The following TOR1AIP2 variants were observed in gnomAD, a reference collection of about 807,000 sequenced individuals.
TOR1AIP2 encodes torsin 1A interacting protein 2.
TOR1AIP2 carries 20 observed loss-of-function variants against 32.6 expected under a neutral mutation model. The ratio of observed to expected loss-of-function variants is 0.61; its 90% CI spans 0.43 to 0.89. The LOEUF (loss-of-function observed/expected upper bound fraction) is 0.89, where lower values mean the gene tolerates loss of function less well. Among genes scored for constraint, TOR1AIP2 ranks in the 40% least tolerant of loss-of-function variants. The probability of loss-of-function intolerance (pLI) is 0.00; values close to 1 mark genes in which losing one functional copy is unlikely to be tolerated. For missense variants in TOR1AIP2, 456 were observed against 553.8 expected, an observed-to-expected ratio of 0.82 and a Z score of 1.77; for synonymous variants, 214 against 210.8, an observed-to-expected ratio of 1.02 and a Z score of -0.13.
chr1:179,840,423 AG>A lies in TOR1AIP2; in HGVS notation c.*5647del, dbSNP rs1046290290. On this transcript the variant is annotated 3_prime_UTR_variant, in exon 7 of 7. Transcript: ENST00000609928. ...ACTGCGCTTAGCCAAAGGCAAATTTAGTTTATAAGCCTCAGTGAGGAAAAGC... is the reference window on the plus strand; with the variant it reads ...ACTGCGCTTAGCCAAAGGCAAATTTATTTATAAGCCTCAGTGAGGAAAAGC... The A allele has an allele frequency of 6.6e-6, 1 of 152,222 alleles. No homozygotes were observed. The highest frequency in any genetic ancestry group is 1.5e-5 in the Non-Finnish European group (1 of 68,044). The allele number at this position is 152,222 out of a possible 1,614,324, so 9.4% of individuals were successfully genotyped here. A position where few individuals can be genotyped will look rare whatever the true frequency, so the allele number is the denominator to read the frequency against.
intron 2 of TOR1AIP2, among the ~76,000 whole-genome samples, chr1:179,869,578 A>T (rs1438765360): frequency 6.6e-6 from 1 of 152,268 alleles, no homozygotes; most frequent in African/African-American, 2.4e-5. Flanking sequence ...TCAGAGGCAA[A>T]GCAGGTAACT....
At chr1:179,853,728 T>C (rs1026006591) in intron 3 of TOR1AIP2, among the ~76,000 whole-genome samples, 1 of 152,174 alleles carries the variant, frequency 6.6e-6, no homozygotes, top group Non-Finnish European at 1.5e-5. Context: ...TGATCCCCAA[T>C]GCCTACACGG....
At chr1:179,863,604 G>C in intron 3 of TOR1AIP2, 1 of 983,364 alleles carries the variant, frequency 1.0e-6, no homozygotes, top group Non-Finnish European at 1.2e-6. Flanking sequence ...CGAGGTGGGA[G>C]GATGGCTTGA....
Position 179,846,838 on chromosome 1 carries a change from G to A in TOR1AIP2, c.656-10C>T. 1 of 1,568,030 alleles carries A rather than the reference G, an allele frequency of 6.4e-7. No individual in the cohort carries two copies. Among genetic ancestry groups the A allele is most frequent in the South Asian group, 1.2e-5 (1 of 85,144 alleles). Reference sequence around the variant, plus strand: ...ACAAGAATCACAGGGCCTGTCAAAAGAATGAAAAAGGAATAGAAAATTACA... The same window carrying A: ...ACAAGAATCACAGGGCCTGTCAAAAAAATGAAAAAGGAATAGAAAATTACA... On this transcript the variant is annotated splice_polypyrimidine_tract_variant and intron_variant, in intron 6 of 6. Coordinates refer to ENST00000609928, the MANE Select transcript of TOR1AIP2 (RefSeq NM_001199260.2).
rs1696673797 is a variant in TOR1AIP2 at position 179,864,202 on chromosome 1, AGC to A, written c.-147+1232_-147+1233del. 5.1e-6 allele frequency: 5 copies of A among 985,502 alleles called. No individual in the cohort carries two copies. In the South Asian group the frequency reaches 2.3e-4, roughly 46 times the overall value. The allele number at this position is 985,502 out of a possible 1,614,324, so 61.0% of individuals were successfully genotyped here. On this transcript the variant is annotated intron_variant, in intron 3 of 6. Coordinates refer to ENST00000609928, the MANE Select transcript of TOR1AIP2 (RefSeq NM_001199260.2). ...AGTGACCAGTTATCAATAATCTCACAGCCACACTGAGGATGGGCCAAACAGGG... is the reference window on the plus strand; with the variant it reads ...AGTGACCAGTTATCAATAATCTCACACACACTGAGGATGGGCCAAACAGGG...
At position 179,845,472 on chromosome 1, in the gene TOR1AIP2, G is replaced by A. The variant is rs1055509327; in HGVS notation, c.*599C>T. The A allele has an allele frequency of 6.6e-6, 1 of 152,152 alleles. No individual in the cohort carries two copies. Among genetic ancestry groups the A allele is most frequent in the Non-Finnish European group, 1.5e-5 (1 of 68,004 alleles). The allele number at this position is 152,152 out of a possible 1,614,324, so 9.4% of individuals were successfully genotyped here. A position where few individuals can be genotyped will look rare whatever the true frequency, so the allele number is the denominator to read the frequency against. On this transcript the variant is annotated 3_prime_UTR_variant, in exon 7 of 7. Coordinates refer to ENST00000609928, the MANE Select transcript of TOR1AIP2 (RefSeq NM_001199260.2). ...TATACCTCAGCTGAATGAAATAAAA[G>A]CACAGTGCCTTACATGTAGTATTTA...
intron 2 of TOR1AIP2, among the ~76,000 whole-genome samples, chr1:179,871,178 T>C (rs1028349932): frequency 1.2e-4 from 19 of 152,368 alleles, no homozygotes; most frequent in African/African-American, 4.1e-4. Flanking sequence ...GCTGGGATGC[T>C]TGTATTTTCA....
rs1195784077 is a variant in TOR1AIP2 at position 179,846,769 on chromosome 1, AG to A, written c.714del (p.Tyr239IlefsTer70). On this transcript the variant is annotated frameshift_variant, in exon 7 of 7. Coordinates refer to ENST00000609928, the MANE Select transcript of TOR1AIP2 (RefSeq NM_001199260.2). LOFTEE classifies it high-confidence loss of function. ...GGCACTTGCTGGGCTGGAGAGGAATAGTAGCTATTCACAGAACTTGCCACAA... is the reference window on the plus strand; with the variant it reads ...GGCACTTGCTGGGCTGGAGAGGAATATAGCTATTCACAGAACTTGCCACAA... Reference protein sequence around the residue: ...VAVVASSVNSYYSSPAQQVPK... With the variant: ...VAVVASSVNSXYSSPAQQVPK... 1 of 1,613,568 alleles carries A rather than the reference AG, an allele frequency of 6.2e-7. No homozygotes were observed. The highest frequency in any genetic ancestry group is 8.5e-7 in the Non-Finnish European group (1 of 1,179,878).
intron 5 of TOR1AIP2, among the ~76,000 whole-genome samples, chr1:179,849,893 C>T (rs1696051007): frequency 6.6e-6 from 1 of 152,220 alleles, no homozygotes; most frequent in Non-Finnish European, 1.5e-5. Context: ...CTTGCCTTCA[C>T]TGAAGTTACA....
Position 179,863,790 on chromosome 1 carries a change from T to G in TOR1AIP2, c.-147+1646A>C, listed in dbSNP as rs559626542. 136 of 985,122 alleles carry G rather than the reference T, an allele frequency of 1.4e-4. 1 individual carries two copies. The highest frequency in any genetic ancestry group is 8.9e-4 in the African/African-American group (51 of 57,234). 61.0% of individuals were successfully genotyped at this position (985,122 alleles called of 1,614,324 possible). On this transcript the variant is annotated intron_variant, in intron 3 of 6. Coordinates refer to ENST00000609928, the MANE Select transcript of TOR1AIP2 (RefSeq NM_001199260.2). Reference sequence around the variant, plus strand: ...GCACTAGATACCTAGATACCTGGCATGTTAAGTGTAATTTAAAAATTGTTC... The same window carrying G: ...GCACTAGATACCTAGATACCTGGCAGGTTAAGTGTAATTTAAAAATTGTTC...
intron 3 of TOR1AIP2, chr1:179,864,182 C>T (rs1696672806): frequency 1.0e-6 from 1 of 985,282 alleles, no homozygotes; most frequent in East Asian, 1.1e-4. Context: ...CTGACAGTGA[C>T]CAGTTATCAA....
At chr1:179,848,033 A>AG (rs1248380626) in intron 5 of TOR1AIP2, among the ~76,000 whole-genome samples, 14 of 132,926 alleles carry the variant, frequency 1.1e-4, no homozygotes, top group African/African-American at 1.5e-4. Context: ...ACTCCATCTC[A>AG]GAAAAAAAAA....
At chr1:179,866,448 T>G (rs1696777280) in intron 2 of TOR1AIP2, among the ~76,000 whole-genome samples, 1 of 152,210 alleles carries the variant, frequency 6.6e-6, no homozygotes, top group Admixed American at 6.5e-5. Flanking sequence ...GTTTCATTCT[T>G]GTTGCCCAGG....
chr1:179,854,827 C>T (rs1696238413), intron 3 of TOR1AIP2, among the ~76,000 whole-genome samples: 1 of 152,144 alleles, frequency 6.6e-6, no homozygotes, highest in South Asian at 2.1e-4. Flanking sequence ...GCCCAGATTG[C>T]ACCACTGTAT....
chr1:179,868,416 A>G (rs1399287319), intron 2 of TOR1AIP2: 1 of 152,262 alleles, frequency 6.6e-6, no homozygotes, highest in East Asian at 1.9e-4. Flanking sequence ...ATAAATGACA[A>G]AAATAAAATG....
In TOR1AIP2 at chr1:179,846,710, C is replaced by A; in HGVS notation, c.774G>T (p.Gln258His). The change falls in exon 7 of 7, where the codon CAG becomes CAT. Residue 258 changes from glutamine (Q) to histidine (H), a missense_variant. Physicochemically the swap from Gln to His is conservative, Grantham distance 24. Transcript: ENST00000609928. ...KNPALEAFLA[Q>H]FSQLEDKFPG... ...GAAATTTATCTTCCAATTGGCTAAA[C>A]TGGGCCAAAAAGGCCTCCAAAGCTG... The A allele has an allele frequency of 6.2e-7, 1 of 1,614,130 alleles. No homozygotes were observed. The highest frequency in any genetic ancestry group is 8.5e-7 in the Non-Finnish European group (1 of 1,180,028).
chr1:179,856,640 T>C (rs1261786560), intron 3 of TOR1AIP2, among the ~76,000 whole-genome samples: 3 of 151,900 alleles, frequency 2.0e-5, no homozygotes, highest in South Asian at 2.1e-4. Context: ...CCCCCCAAGA[T>C]AGAATCTCAC....
rs376069711 is a variant in TOR1AIP2 at position 179,851,372 on chromosome 1, A to G, written c.35-9T>C. 717 of 1,489,312 alleles carry G rather than the reference A, an allele frequency of 4.8e-4. 1 individual carries two copies. Among genetic ancestry groups the G allele is most frequent in the Admixed American group, 1.5e-3 (59 of 40,654 alleles). The allele number at this position is 1,489,312 out of a possible 1,614,324, so 92.3% of individuals were successfully genotyped here. On this transcript the variant is annotated splice_polypyrimidine_tract_variant and intron_variant, in intron 4 of 6. Transcript: ENST00000609928. ...CAAATCCTTTTGAGAGTCTATTGAG[A>G]TAAAAGTTTATAATTTTTATTGGAA...
intron 3 of TOR1AIP2, among the ~76,000 whole-genome samples, chr1:179,857,833 A>G (rs1226554818): frequency 6.6e-6 from 1 of 152,194 alleles, no homozygotes; most frequent in Non-Finnish European, 1.5e-5. Context: ...AAAAGTTACT[A>G]TTTATTGAGT....
Sources: gnomAD v4.1 joint callset for allele counts (sites outside exome capture counted in the v4.1 genomes callset) on GRCh38, gnomAD v4.1.1 for gene constraint, MANE v1.5 for transcripts, NCBI Gene and HGNC (gene_info 2026-07-23, HGNC 2026-07-21) for gene names.